Variants in RIBC1 observed in about 807,000 individuals in gnomAD.
RIBC1 encodes the protein RIB43A-like with coiled-coils protein 1.
In RIBC1, 12 loss-of-function variants were observed where a neutral mutation model predicts 33.7. The ratio of observed to expected loss-of-function variants is 0.36; its 90% CI spans 0.23 to 0.58. The LOEUF (loss-of-function observed/expected upper bound fraction) is 0.58. Among genes scored for constraint, RIBC1 ranks in the 20% least tolerant of loss-of-function variants. The pLI is 0.81. For synonymous variants in RIBC1, 89 were observed against 109.0 expected (o/e 0.82, Z 1.14); for missense variants, 242 against 311.6 (o/e 0.78, Z 1.68).
intron 5 of RIBC1, chrX:53,429,316 C>G (rs2075809024): frequency 8.7e-6 from 1 of 115,392 alleles, no homozygotes; most frequent in African/African-American, 3.2e-5. Flanking sequence ...TACCTTTGCT[C>G]ATGCCATGCC....
intron 2 of RIBC1, among the ~76,000 whole-genome samples, chrX:53,424,946 C>T (rs2054222854): frequency 9.1e-6 from 1 of 109,610 alleles, no homozygotes; most frequent in Non-Finnish European, 1.9e-5. Flanking sequence ...GTAATCCCAG[C>T]ACTTTGGGAG....
chrX:53,430,076 C>T, intron 6 of RIBC1, 104 bp downstream of exon 6: 1 of 676,153 alleles, frequency 1.5e-6, no homozygotes, highest in Admixed American at 2.7e-5. Flanking sequence ...CTTAAATCAG[C>T]ATCAGCCCTC....
At chrX:53,424,361 C>T (rs1404634441) in intron 2 of RIBC1, among the ~76,000 whole-genome samples, 1 of 110,124 alleles carries the variant, frequency 9.1e-6, no homozygotes, top group Non-Finnish European at 1.9e-5. Context: ...ATCCTTTGAG[C>T]CCAGGAGTTT....
chrX:53,429,962 A>G lies in RIBC1; in HGVS notation c.653A>G (p.Asn218Ser). 8.3e-7 allele frequency: 1 copy of G among 1,203,649 alleles called. No homozygotes were observed. The highest frequency in any genetic ancestry group is 1.1e-6 in the Non-Finnish European group (1 of 888,543). ...AAMMCAMANA[N>S]KAQAAVQAGR... ...ATGATGTGTGCCATGGCCAACGCCA[A>G]CAAAGCGCAGGTATGGCCTGAGCCA... Residue 218 changes from asparagine (N) to serine (S), a missense_variant, in exon 6 of 8, where the codon AAC becomes AGC. Transcript: ENST00000375327.
At chrX:53,430,365 C>T in intron 6 of RIBC1, 31 bp from the exon 7 acceptor site, 1 of 1,178,593 alleles carries the variant, frequency 8.5e-7, no homozygotes, top group Non-Finnish European at 1.1e-6. Context: ...AGGTTGGGCA[C>T]CCAAATGTTT....
intron 7 of RIBC1, 34 bp downstream of exon 7, chrX:53,430,824 C>G (rs1556894321): frequency 4.2e-6 from 5 of 1,203,237 alleles, no homozygotes; most frequent in Non-Finnish European, 5.6e-6. Flanking sequence ...GAGATAAATG[C>G]CAAGGGAGGG....
chrX:53,429,553 C>A, intron 5 of RIBC1: 2 of 397,897 alleles, frequency 5.0e-6, no homozygotes, highest in Non-Finnish European at 7.4e-6. Context: ...TCATTAGAAC[C>A]CAGCACATGG....
At position 53,428,291 on chromosome X, in the gene RIBC1, C is replaced by G; in HGVS notation, c.208C>G (p.Gln70Glu). Residue 70 changes from glutamine (Q) to glutamate (E), a missense_variant, in exon 5 of 8, where the codon CAG becomes GAG. Physicochemically the swap from Gln to Glu is conservative, Grantham distance 29. Coordinates refer to ENST00000375327, the MANE Select transcript of RIBC1 (RefSeq NM_001031745.5). ...RSKEAAYGTS[Q>E]VQYDVVVQML... ...TTGCTCACCACCCCCAGGTACCAGCCAGGTGCAGTATGATGTGGTAGTCCA... is the reference window on the plus strand; with the variant it reads ...TTGCTCACCACCCCCAGGTACCAGCGAGGTGCAGTATGATGTGGTAGTCCA... The G allele has an allele frequency of 8.3e-7, 1 of 1,210,016 alleles. No homozygotes were observed. The highest frequency in any genetic ancestry group is 1.1e-6 in the Non-Finnish European group (1 of 894,258).
rs782772772 is a variant in RIBC1, at chrX:53,429,932, C to T, written c.623C>T (p.Ala208Val). 7 of 1,209,541 alleles carry T rather than the reference C, an allele frequency of 5.8e-6. No homozygotes were observed. The highest frequency in any genetic ancestry group is 3.0e-5 in the East Asian group (1 of 33,760). The change falls in exon 6 of 8, where the codon GCG (alanine) becomes GTG (valine). Residue 208 changes from alanine to valine, a missense_variant. Ala to Val is a moderately conservative substitution (Grantham distance 64, BLOSUM62 0). Transcript: ENST00000375327. Reference protein sequence around the residue: ...HLARLEESCRAAMMCAMANAN... With the variant: ...HLARLEESCRVAMMCAMANAN... ...GCCAGGCTGGAGGAGTCCTGTCGTG[C>T]GGCCATGATGTGTGCCATGGCCAAC...
chrX:53,429,904 C>G lies in RIBC1; in HGVS notation c.595C>G (p.Leu199Val). 1 of 1,211,741 alleles carries G rather than the reference C, an allele frequency of 8.3e-7. No homozygotes were observed. The highest frequency in any genetic ancestry group is 1.1e-6 in the Non-Finnish European group (1 of 895,105). Residue 199 changes from leucine to valine, a missense_variant, in exon 6 of 8, where the codon CTG becomes GTG. Coordinates refer to ENST00000375327, the MANE Select transcript of RIBC1 (RefSeq NM_001031745.5). ...CGCCATGGATGCACAGGCCACCCAT[C>G]TGGCCAGGCTGGAGGAGTCCTGTCG... is the stretch of plus-strand genomic sequence containing the variant. ...RLAMDAQATH[L>V]ARLEESCRAA...
intron 2 of RIBC1, among the ~76,000 whole-genome samples, chrX:53,424,767 A>G (rs1241202326): frequency 1.8e-5 from 2 of 110,803 alleles, no homozygotes; most frequent in African/African-American, 6.5e-5. Flanking sequence ...CTCCAAGTGG[A>G]TTAAAAACCT....
At position 53,430,479 on chromosome X, in the gene RIBC1, G is replaced by C. The variant is rs782603286; in HGVS notation, c.747G>C (p.Thr249=). 2 of 1,210,952 alleles carry C rather than the reference G, an allele frequency of 1.7e-6. No homozygotes were observed. The highest frequency in any genetic ancestry group is 5.9e-5 in the East Asian group (2 of 33,812). The change falls in exon 7 of 8, where the codon ACG becomes ACC. Residue 249 remains threonine, a synonymous_variant. Transcript: ENST00000375327. ...TTGCGGAGATCCAGCACCAGAGCAC[G>C]AGTGACCTACTGACTGAAAACCCCC... ...ANLAEIQHQS[T]SDLLTENPQV...
At chrX:53,423,802 A>T (rs1459279210) in intron 2 of RIBC1, among the ~76,000 whole-genome samples, 2 of 112,232 alleles carry the variant, frequency 1.8e-5, no homozygotes, top group Non-Finnish European at 3.8e-5. Context: ...GTGGCTGGGC[A>T]TGGTGGCTGA....
intron 2 of RIBC1, among the ~76,000 whole-genome samples, chrX:53,425,104 CA>C (rs2075784219): frequency 9.0e-6 from 1 of 111,410 alleles, no homozygotes; most frequent in Admixed American, 9.6e-5. Context: ...AACAAAACAC[CA>C]AAAAGATCCA....
chrX:53,429,737 C>A lies in RIBC1; in HGVS notation c.545-117C>A, dbSNP rs1556893831. On this transcript the variant is annotated intron_variant, in intron 5 of 7. Coordinates refer to ENST00000375327, the MANE Select transcript of RIBC1 (RefSeq NM_001031745.5). ...CACATCCCTACAACTCGGACACTAA[C>A]CCCCTCCTAAACATTCGTACACACA... The A allele has an allele frequency of 2.7e-6, 3 of 1,093,217 alleles. No homozygotes were observed. In the African/African-American group the frequency reaches 5.4e-5, roughly 20 times the overall value. 90.1% of individuals were successfully genotyped at this position (1,093,217 alleles called of 1,213,427 possible).
chrX:53,426,723 C>G (rs1262395979), intron 3 of RIBC1, among the ~76,000 whole-genome samples: 5 of 112,171 alleles, frequency 4.5e-5, no homozygotes. Flanking sequence ...CAGTGGCTTA[C>G]ACCTGTAATC....
intron 5 of RIBC1, 52 bp downstream of exon 5, chrX:53,428,679 G>C: frequency 8.4e-7 from 1 of 1,193,956 alleles, no homozygotes; most frequent in Non-Finnish European, 1.1e-6. Context: ...GTGGGGATCT[G>C]TCCTAAGCTG....
intron 3 of RIBC1, among the ~76,000 whole-genome samples, chrX:53,426,594 G>A (rs1324199410): frequency 8.9e-6 from 1 of 112,037 alleles, no homozygotes; most frequent in Admixed American, 9.4e-5. Flanking sequence ...TCAGTGCAGG[G>A]GAAGAGACTA....
intron 2 of RIBC1, among the ~76,000 whole-genome samples, chrX:53,424,458 TA>T (rs782348607): frequency 9.3e-6 from 1 of 108,092 alleles, no homozygotes; most frequent in Non-Finnish European, 1.9e-5. Flanking sequence ...AAAAATAAAA[TA>T]AATTTTATTC....
Sources: gnomAD v4.1 joint callset for allele counts (sites outside exome capture counted in the v4.1 genomes callset) on GRCh38, gnomAD v4.1.1 for gene constraint, MANE v1.5 for transcripts, NCBI Gene and HGNC (gene_info 2026-07-23, HGNC 2026-07-21) for gene names.